The following KCNQ5 variants were observed in gnomAD, a reference collection of about 807,000 sequenced individuals.
KCNQ5 encodes potassium voltage-gated channel subfamily Q member 5.
KCNQ5 carries 30 observed loss-of-function variants against 98.2 expected under a neutral mutation model. The observed-to-expected ratio is 0.31, with a 90% CI of 0.23 to 0.41. The LOEUF is 0.41. KCNQ5 is among the 10% of genes least tolerant of loss of function. The probability of loss-of-function intolerance (pLI) is 1.00; values close to 1 mark genes in which losing one functional copy is unlikely to be tolerated. For synonymous variants in KCNQ5, 458 were observed against 449.4 expected (o/e 1.02, Z -0.24); for missense variants, 835 against 1,182.5 (o/e 0.71, Z 4.31).
rs1773642285 is a variant in KCNQ5 at position 73,078,829 on chromosome 6, A to G, written c.918+942A>G. On this transcript the variant is annotated intron_variant, in intron 5 of 13. Coordinates refer to ENST00000370398, the MANE Select transcript of KCNQ5 (RefSeq NM_019842.4). ...AAAAACCTGGAAGGGTGTACTCTGA[A>G]CAACGCATAGTTTTCCACTGAAGCA... Among the ~76,000 whole-genome samples, 2 of 152,266 alleles carry G rather than the reference A, an allele frequency of 1.3e-5. 1 individual carries two copies. The highest frequency in any genetic ancestry group is 4.8e-5 in the African/African-American group (2 of 41,464).
At chr6:73,095,096 T>A (rs1192164360) in intron 5 of KCNQ5, among the ~76,000 whole-genome samples, 1 of 152,168 alleles carries the variant, frequency 6.6e-6, no homozygotes, top group East Asian at 1.9e-4. Flanking sequence ...ATCCCAGACT[T>A]CTTGGAGGCT....
chr6:72,970,894 C>A (rs1419221644), intron 1 of KCNQ5, among the ~76,000 whole-genome samples: 2 of 152,172 alleles, frequency 1.3e-5, no homozygotes, highest in Non-Finnish European at 2.9e-5. Context: ...ACCATAAAAA[C>A]CCTAGAAGAA....
chr6:72,841,308 C>T (rs541171842), intron 1 of KCNQ5, among the ~76,000 whole-genome samples: 10 of 152,184 alleles, frequency 6.6e-5, no homozygotes, highest in South Asian at 2.1e-4. Context: ...TCAAAAACTT[C>T]TACCTAGCTT....
rs571035609 is a variant in KCNQ5 at position 73,124,476 on chromosome 6, G to T, written c.1221-10G>T. On this transcript the variant is annotated splice_polypyrimidine_tract_variant and intron_variant, in intron 8 of 13. Coordinates refer to ENST00000370398, the MANE Select transcript of KCNQ5 (RefSeq NM_019842.4). The stretch of plus-strand genomic sequence containing the variant: ...ATCATCATTTCTCTTCTGCCTGCAC[G>T]CACCTGAAGGAAAGAACAAGGGGAA... 10 of 1,612,790 alleles carry T rather than the reference G, an allele frequency of 6.2e-6. No homozygotes were observed. Among genetic ancestry groups the T allele is most frequent in the Non-Finnish European group, 6.8e-6 (8 of 1,179,180 alleles).
At chr6:72,980,540 C>T (rs1023831985) in intron 1 of KCNQ5, among the ~76,000 whole-genome samples, 1 of 152,152 alleles carries the variant, frequency 6.6e-6, no homozygotes, top group Admixed American at 6.5e-5. Context: ...TGAGACTTTG[C>T]TGAACTTGCT....
At chr6:72,867,056 A>G (rs1347174375) in intron 1 of KCNQ5, among the ~76,000 whole-genome samples, 1 of 152,204 alleles carries the variant, frequency 6.6e-6, no homozygotes, top group Non-Finnish European at 1.5e-5. Flanking sequence ...AGGCTCACCT[A>G]TTAGTTTAAT....
At chr6:72,877,226 C>G (rs542440887) in intron 1 of KCNQ5, among the ~76,000 whole-genome samples, 16 of 152,160 alleles carry the variant, frequency 1.1e-4, no homozygotes, top group Admixed American at 2.0e-4. Context: ...CCCCGACCCC[C>G]CCGACAGGCC....
chr6:72,722,169 C>A (rs1199910534), intron 1 of KCNQ5, among the ~76,000 whole-genome samples: 2 of 152,154 alleles, frequency 1.3e-5, no homozygotes, highest in Non-Finnish European at 2.9e-5. Context: ...ACCAGCCCTG[C>A]TGGTACCTTG....
chr6:72,868,756 A>G (rs1250009409), intron 1 of KCNQ5, among the ~76,000 whole-genome samples: 1 of 152,162 alleles, frequency 6.6e-6, no homozygotes, highest in Non-Finnish European at 1.5e-5. Flanking sequence ...CCATAACGAG[A>G]TGGTGTTCTG....
chr6:72,855,529 T>C (rs1430982261), intron 1 of KCNQ5, among the ~76,000 whole-genome samples: 1 of 152,188 alleles, frequency 6.6e-6, no homozygotes, highest in Non-Finnish European at 1.5e-5. Context: ...TAGACAAAGC[T>C]AGAATACAAA....
At chr6:72,854,698 G>A (rs1425158292) in intron 1 of KCNQ5, among the ~76,000 whole-genome samples, 1 of 146,636 alleles carries the variant, frequency 6.8e-6, no homozygotes, top group Non-Finnish European at 1.5e-5. Flanking sequence ...TAAGGAGTTA[G>A]TAACAACCTC....
chr6:73,094,649 GAA>G (rs1774403530), intron 5 of KCNQ5, among the ~76,000 whole-genome samples: 1 of 152,112 alleles, frequency 6.6e-6, no homozygotes, highest in African/African-American at 2.4e-5. Context: ...TTGTCTGTCT[GAA>G]AAAGACTGTA....
chr6:72,801,694 G>A (rs1336080903), intron 1 of KCNQ5, among the ~76,000 whole-genome samples: 20 of 150,636 alleles, frequency 1.3e-4, no homozygotes, highest in South Asian at 6.4e-4. Context: ...TATTTTGCTC[G>A]TTAGTTGATG....
chr6:72,715,398 T>C (rs1024876028), intron 1 of KCNQ5, among the ~76,000 whole-genome samples: 9 of 152,200 alleles, frequency 5.9e-5, no homozygotes, highest in Non-Finnish European at 1.0e-4. Flanking sequence ...TTGCAAACTT[T>C]GGCTGCTAGG....
chr6:72,964,009 A>G (rs1193897304), intron 1 of KCNQ5, among the ~76,000 whole-genome samples: 1 of 152,204 alleles, frequency 6.6e-6, no homozygotes, highest in Non-Finnish European at 1.5e-5. Flanking sequence ...GAAGTCAGTC[A>G]TGATGAGTTT....
At chr6:73,155,738 A>T (rs1777337643) in intron 10 of KCNQ5, among the ~76,000 whole-genome samples, 1 of 151,740 alleles carries the variant, frequency 6.6e-6, no homozygotes, top group Non-Finnish European at 1.5e-5. Context: ...CCACAGGTGA[A>T]TTTTTTTTCT....
intron 1 of KCNQ5, among the ~76,000 whole-genome samples, chr6:72,691,918 C>T (rs1411141727): frequency 6.6e-6 from 1 of 152,170 alleles, no homozygotes; most frequent in South Asian, 2.1e-4. Context: ...TTGCTTTATG[C>T]TATTTGGACA....
chr6:72,882,432 T>C (rs902257683), intron 1 of KCNQ5, among the ~76,000 whole-genome samples: 1 of 152,044 alleles, frequency 6.6e-6, no homozygotes, highest in Non-Finnish European at 1.5e-5. Context: ...AGGCCTGAAC[T>C]TGCACAAGCA....
At chr6:72,904,430 G>GT (rs1279270810) in intron 1 of KCNQ5, among the ~76,000 whole-genome samples, 1 of 151,872 alleles carries the variant, frequency 6.6e-6, no homozygotes, top group African/African-American at 2.4e-5. Context: ...TTTTTGTTTG[G>GT]TTTTTTAAAT....
Sources: allele counts gnomAD v4.1 joint callset (sites outside exome capture counted in the v4.1 genomes callset), GRCh38; gene constraint gnomAD v4.1.1; transcripts MANE v1.5; gene names NCBI Gene and HGNC (gene_info 2026-07-23, HGNC 2026-07-21).